Variants in RTL4 observed in about 807,000 individuals in gnomAD.
The protein encoded by RTL4 is retrotransposon Gag-like protein 4.
In RTL4, 4 loss-of-function variants were observed where a neutral mutation model predicts 5.3. That is an observed-to-expected ratio of 0.75 (90% CI 0.37 to 1.72). RTL4 has a LOEUF of 1.72. Among genes scored for constraint, RTL4 ranks in the 40% most tolerant of loss-of-function variants. The pLI, the probability that RTL4 is intolerant of heterozygous loss-of-function variation, is 0.04. For missense variants in RTL4, 260 were observed against 227.1 expected (o/e 1.14, Z -0.93); for synonymous variants, 98 against 87.3 (o/e 1.12, Z -0.68).
chrX:112,456,508 C>G, exon 1 of RTL4: 1 of 302,641 alleles, frequency 3.3e-6, no homozygotes, highest in Non-Finnish European at 6.0e-6. Flanking sequence ...TCAATATGCT[C>G]TAGGATAAGG....
the RTL4 span, among the ~76,000 whole-genome samples, chrX:112,429,133 AT>A: frequency 9.0e-6 from 1 of 111,469 alleles, no homozygotes; most frequent in Non-Finnish European, 1.9e-5. Flanking sequence ...TAATGAGACC[AT>A]TGATGTTTAA....
chrX:112,246,019 A>C, the RTL4 span, among the ~76,000 whole-genome samples: 5,784 of 112,172 alleles, frequency 0.052, 363 homozygotes, highest in African/African-American at 0.18. Context: ...CCAGGGTATC[A>C]CCAGCGGAAG....
the RTL4 span, among the ~76,000 whole-genome samples, chrX:112,303,829 G>C: frequency 8.2e-5 from 9 of 109,380 alleles, no homozygotes; most frequent in Admixed American, 8.8e-4. Context: ...ATAGGCTTCT[G>C]CTCATGTTAA....
the RTL4 span, among the ~76,000 whole-genome samples, chrX:112,083,350 G>A: frequency 8.9e-6 from 1 of 112,685 alleles, no homozygotes; most frequent in Non-Finnish European, 1.9e-5. Flanking sequence ...GCCGGTGGTG[G>A]CGAGGCTGCT....
At chrX:112,231,226 A>G in the RTL4 span, among the ~76,000 whole-genome samples, 3 of 111,281 alleles carry the variant, frequency 2.7e-5, no homozygotes, top group African/African-American at 9.8e-5. Context: ...ATTACTGGGT[A>G]TATACCCAAA....
the RTL4 span, among the ~76,000 whole-genome samples, chrX:112,354,805 T>G: frequency 1.8e-5 from 2 of 111,067 alleles, no homozygotes; most frequent in African/African-American, 6.5e-5. Context: ...GGGCCTGACA[T>G]TCTGGTGCCA....
chrX:112,129,806 G>T, the RTL4 span, among the ~76,000 whole-genome samples: 1 of 111,872 alleles, frequency 8.9e-6, no homozygotes, highest in Non-Finnish European at 1.9e-5. Context: ...AATTTAGCAA[G>T]GGTACAGGAT....
At chrX:112,108,409 T>A in the RTL4 span, among the ~76,000 whole-genome samples, 1 of 111,676 alleles carries the variant, frequency 9.0e-6, no homozygotes, top group Admixed American at 9.5e-5. Flanking sequence ...TTTTCAGAGG[T>A]AGATACCTGC....
the RTL4 span, among the ~76,000 whole-genome samples, chrX:112,162,028 G>C: frequency 4.1e-3 from 454 of 109,755 alleles, 3 homozygotes; most frequent in African/African-American, 0.014. Flanking sequence ...GCTTCAACAG[G>C]CTGGATTTTT....
the RTL4 span, among the ~76,000 whole-genome samples, chrX:112,423,284 C>T: frequency 7.2e-5 from 8 of 110,413 alleles, no homozygotes; most frequent in South Asian, 7.8e-4. Flanking sequence ...AGCAACTTAC[C>T]GATCTCCCCA....
chrX:112,329,723 C>T, the RTL4 span, among the ~76,000 whole-genome samples: 1 of 111,082 alleles, frequency 9.0e-6, no homozygotes, highest in Non-Finnish European at 1.9e-5. Context: ...GAATTTCAGA[C>T]CAATATCCTT....
At chrX:112,168,935 TTCTTTTTC>T in the RTL4 span, among the ~76,000 whole-genome samples, 26 of 58,451 alleles carry the variant, frequency 4.4e-4, no homozygotes, top group East Asian at 7.7e-4. Context: ...CTTTCTTTCT[TTCTTTTTC>T]TTTCTTTCTT....
At chrX:112,352,982 C>G in the RTL4 span, among the ~76,000 whole-genome samples, 1 of 111,010 alleles carries the variant, frequency 9.0e-6, no homozygotes, top group Non-Finnish European at 1.9e-5. Context: ...AACAAATTTA[C>G]AAGAAAAAAA....
the RTL4 span, among the ~76,000 whole-genome samples, chrX:112,187,653 A>G: frequency 8.9e-6 from 1 of 111,907 alleles, no homozygotes; most frequent in Non-Finnish European, 1.9e-5. Context: ...CATGGGGCAT[A>G]GTAACTAAGG....
chrX:112,284,481 A>T, the RTL4 span, among the ~76,000 whole-genome samples: 605 of 110,885 alleles, frequency 5.5e-3, 4 homozygotes, highest in African/African-American at 0.019. Context: ...TCTCATTCTA[A>T]CTTCTCAGGT....
At chrX:112,164,351 T>A in the RTL4 span, among the ~76,000 whole-genome samples, 4 of 112,283 alleles carry the variant, frequency 3.6e-5, no homozygotes, top group Admixed American at 1.9e-4. Context: ...TGTCCTTCCC[T>A]CCACAGTCAT....
At chrX:112,350,735 C>G in the RTL4 span, among the ~76,000 whole-genome samples, 2 of 110,645 alleles carry the variant, frequency 1.8e-5, no homozygotes, top group African/African-American at 6.6e-5. Context: ...TTTTTTATTG[C>G]GTCTATGTGA....
chrX:112,178,281 G>A, the RTL4 span, among the ~76,000 whole-genome samples: 1 of 111,599 alleles, frequency 9.0e-6, no homozygotes, highest in Non-Finnish European at 1.9e-5. Context: ...AGCTTTCCCC[G>A]ATGATTCTGG....
chrX:112,099,817 T>G, the RTL4 span, among the ~76,000 whole-genome samples: 1 of 110,890 alleles, frequency 9.0e-6, no homozygotes, highest in Non-Finnish European at 1.9e-5. Context: ...GATTTTGGAG[T>G]AGTCCAAGCA....
Sources: allele counts gnomAD v4.1 joint callset (sites outside exome capture counted in the v4.1 genomes callset), GRCh38; gene constraint gnomAD v4.1.1; transcripts MANE v1.5; gene names NCBI Gene and HGNC (gene_info 2026-07-23, HGNC 2026-07-21).